PTPRD: variants seen among roughly 807,000 people sequenced by gnomAD.
The protein encoded by PTPRD is protein tyrosine phosphatase receptor type D.
A neutral mutation model predicts 214.5 loss-of-function variants in PTPRD; 34 were observed. That is an observed-to-expected ratio of 0.16 (90% CI 0.12 to 0.21). PTPRD has a LOEUF of 0.21. PTPRD is among the 10% of genes least tolerant of loss of function. The pLI is 1.00. For missense variants in PTPRD, 2,545 were observed against 2,398.7 expected (o/e 1.06, Z -1.27); for synonymous variants, 1,128 against 845.7 (o/e 1.33, Z -5.79).
At chr9:10,076,148 C>A (rs1234778001) in intron 3 of PTPRD, among the ~76,000 whole-genome samples, 6 of 152,080 alleles carry the variant, frequency 3.9e-5, no homozygotes, top group Non-Finnish European at 8.8e-5. Context: ...CTGTATGTGG[C>A]CCTCTGGCTT....
chr9:9,770,536 G>C (rs2098743960), intron 5 of PTPRD, among the ~76,000 whole-genome samples: 1 of 151,970 alleles, frequency 6.6e-6, no homozygotes, highest in African/African-American at 2.4e-5. Context: ...ATTATTTTTT[G>C]TCACCATTTA....
chr9:9,465,275 G>C (rs1302775296), intron 8 of PTPRD, among the ~76,000 whole-genome samples: 1 of 152,112 alleles, frequency 6.6e-6, no homozygotes, highest in Non-Finnish European at 1.5e-5. Flanking sequence ...CCAAAGAAAA[G>C]ATGCAACTCT....
At chr9:9,022,608 T>C (rs1224831674) in intron 10 of PTPRD, among the ~76,000 whole-genome samples, 1 of 152,228 alleles carries the variant, frequency 6.6e-6, no homozygotes. Context: ...TCTGTGATGT[T>C]TGCACCATGA....
chr9:8,929,755 A>ATGTGTATATATATGTG (rs1555536588), intron 11 of PTPRD, among the ~76,000 whole-genome samples: 51 of 58,066 alleles, frequency 8.8e-4, no homozygotes, highest in African/African-American at 2.8e-3. Flanking sequence ...GTATATATAT[A>ATGTGTATATATATGTG]TGTATATATA....
intron 11 of PTPRD, among the ~76,000 whole-genome samples, chr9:8,840,602 C>T (rs1045422715): frequency 2.6e-5 from 4 of 152,184 alleles, no homozygotes; most frequent in Non-Finnish European, 5.9e-5. Flanking sequence ...ACCTGTTGAA[C>T]ATATTCAAAT....
intron 14 of PTPRD, among the ~76,000 whole-genome samples, 172 bp from the exon 15 acceptor site, chr9:8,528,951 A>C (rs2139506780): frequency 6.6e-6 from 1 of 152,302 alleles, no homozygotes; most frequent in South Asian, 2.1e-4. Context: ...TCAGAAGAGT[A>C]AACACTCTAT....
At chr9:10,011,155 A>G (rs914500362) in intron 4 of PTPRD, among the ~76,000 whole-genome samples, 1 of 151,970 alleles carries the variant, frequency 6.6e-6, no homozygotes, top group Non-Finnish European at 1.5e-5. Flanking sequence ...GAACATAATC[A>G]CACAGATTAG....
intron 3 of PTPRD, among the ~76,000 whole-genome samples, chr9:10,186,290 T>C (rs911155942): frequency 4.6e-5 from 7 of 152,116 alleles, no homozygotes; most frequent in Admixed American, 4.6e-4. Context: ...AATTTGTAAA[T>C]TTAAATTTAT....
chr9:8,799,994 T>A (rs766233788), intron 11 of PTPRD, among the ~76,000 whole-genome samples: 2 of 151,936 alleles, frequency 1.3e-5, no homozygotes, highest in Non-Finnish European at 1.5e-5. Flanking sequence ...ACCATAATTT[T>A]TTAGAGAAGA....
At chr9:8,566,100 A>ATG (rs139478736) in intron 14 of PTPRD, among the ~76,000 whole-genome samples, 10,023 of 137,802 alleles carry the variant, frequency 0.073, 389 homozygotes, top group African/African-American at 0.1. Context: ...AATGCAAAAT[A>ATG]TGTGTGTGTG....
intron 12 of PTPRD, among the ~76,000 whole-genome samples, chr9:8,725,118 C>A (rs1382408492): frequency 6.6e-6 from 1 of 151,932 alleles, no homozygotes; most frequent in Non-Finnish European, 1.5e-5. Flanking sequence ...TGGAAAATTC[C>A]TGTATGATTG....
intron 8 of PTPRD, among the ~76,000 whole-genome samples, chr9:9,491,003 T>A (rs918839195): frequency 3.3e-5 from 5 of 151,638 alleles, no homozygotes; most frequent in African/African-American, 7.3e-5. Context: ...AGTTAGACAA[T>A]GGCAGAATGA....
chr9:9,306,813 T>C (rs1472864349), intron 9 of PTPRD, among the ~76,000 whole-genome samples: 2 of 152,150 alleles, frequency 1.3e-5, no homozygotes, highest in Non-Finnish European at 2.9e-5. Context: ...AAAGAAGTAT[T>C]CCATTTTACT....
rs546012942 is a variant in PTPRD, at chr9:10,130,137, T to A, written c.-544-96347A>T. Among the ~76,000 whole-genome samples the A allele has an allele frequency of 4.6e-5, 7 of 151,842 alleles. No individual in the cohort carries two copies. In the South Asian group the frequency reaches 8.3e-4, roughly 18 times the overall value. On this transcript the variant is annotated intron_variant, in intron 3 of 45. Transcript: ENST00000381196. Reference sequence around the variant, plus strand: ...TTGTATAAATGTAAACTTTTTAGACTAGCACTAACAGTTTTACATAATCTG... The same window carrying A: ...TTGTATAAATGTAAACTTTTTAGACAAGCACTAACAGTTTTACATAATCTG...
chr9:9,581,036 G>A (rs1490441014), intron 7 of PTPRD, among the ~76,000 whole-genome samples: 1 of 151,834 alleles, frequency 6.6e-6, no homozygotes, highest in Admixed American at 6.6e-5. Flanking sequence ...AGAAATAGGG[G>A]GCTTGCATTT....
chr9:9,743,545 G>A (rs1596503501), intron 6 of PTPRD, among the ~76,000 whole-genome samples: 1 of 151,752 alleles, frequency 6.6e-6, no homozygotes, highest in Admixed American at 6.6e-5. Context: ...CCTCCCTAAG[G>A]GCCCATTTCT....
In PTPRD at chr9:8,907,043, C is replaced by T. The variant is rs574569768; in HGVS notation, c.-104+111654G>A. Among the ~76,000 whole-genome samples the T allele has an allele frequency of 6.6e-5, 10 of 152,156 alleles. No homozygotes were observed. The East Asian group carries it at 1.9e-3, about 29-fold the overall frequency. ...CCGAAATTTTGCATATGTTTCTCAA[C>T]CCACATATGTATCTATCAGCAGATG... On this transcript the variant is annotated intron_variant, in intron 11 of 45. Coordinates refer to ENST00000381196, the MANE Select transcript of PTPRD (RefSeq NM_002839.4).
At chr9:10,048,027 G>C (rs2097439513) in intron 3 of PTPRD, among the ~76,000 whole-genome samples, 1 of 152,134 alleles carries the variant, frequency 6.6e-6, no homozygotes, top group Non-Finnish European at 1.5e-5. Context: ...AGCATTAGCT[G>C]TCTCTGAGTT....
At chr9:9,769,390 A>G (rs935530953) in intron 5 of PTPRD, among the ~76,000 whole-genome samples, 1 of 129,778 alleles carries the variant, frequency 7.7e-6, no homozygotes, top group East Asian at 2.4e-4. Flanking sequence ...CAGTGGTGCA[A>G]TCTCCGCTCA....
Sources: allele counts gnomAD v4.1 joint callset (sites outside exome capture counted in the v4.1 genomes callset), GRCh38; gene constraint gnomAD v4.1.1; transcripts MANE v1.5; gene names NCBI Gene and HGNC (gene_info 2026-07-23, HGNC 2026-07-21).